The following SND1 variants were observed in gnomAD, a reference collection of about 807,000 sequenced individuals.
SND1 encodes the protein staphylococcal nuclease and tudor domain containing 1, also known as staphylococcal nuclease domain-containing protein 1.
SND1 carries 38 observed loss-of-function variants against 121.7 expected under a neutral mutation model. The ratio of observed to expected loss-of-function variants is 0.31; its 90% confidence interval spans 0.24 to 0.41. The LOEUF is 0.41. Among genes scored for constraint, SND1 ranks in the 10% least tolerant of loss-of-function variants. The pLI is 1.00. For missense variants in SND1, 868 were observed against 1,184.6 expected (o/e 0.73, Z 3.92); for synonymous variants, 401 against 447.4 (o/e 0.90, Z 1.31).
At chr7:127,905,711 A>G (rs926830382) in intron 14 of SND1, among the ~76,000 whole-genome samples, 1 of 152,132 alleles carries the variant, frequency 6.6e-6, no homozygotes, top group Non-Finnish European at 1.5e-5. Context: ...GACACATACC[A>G]TCCATTTCAA....
At chr7:127,726,469 T>C (rs1796584983) in intron 10 of SND1, among the ~76,000 whole-genome samples, 1 of 152,192 alleles carries the variant, frequency 6.6e-6, no homozygotes, top group Non-Finnish European at 1.5e-5. Flanking sequence ...TCTCTAAAGG[T>C]ATAGTTTGTT....
chr7:127,695,770 G>A (rs1488989979), intron 3 of SND1, among the ~76,000 whole-genome samples: 3 of 152,174 alleles, frequency 2.0e-5, no homozygotes, highest in Admixed American at 2.0e-4. Flanking sequence ...AGTCTGTGGT[G>A]AGCCATGATC....
rs146389520 is a variant in SND1, at chr7:127,887,748, T to A, written c.1344-154T>A. ...TTTGTTATTTAACCTTTTATTTGGA[T>A]TTCTAGCTTAGCAACTCATAGGTCT... is the stretch of plus-strand genomic sequence containing the variant. On this transcript the variant is annotated intron_variant, in intron 12 of 23. Transcript: ENST00000354725. Among the ~76,000 whole-genome samples, 285 of 152,174 alleles carry A rather than the reference T, an allele frequency of 1.9e-3. 4 individuals carry two copies. Among genetic ancestry groups the A allele is most frequent in the African/African-American group, 6.4e-3 (267 of 41,550 alleles).
intron 13 of SND1, among the ~76,000 whole-genome samples, chr7:127,893,531 C>T (rs997854240): frequency 6.6e-6 from 1 of 152,018 alleles, no homozygotes; most frequent in Non-Finnish European, 1.5e-5. Flanking sequence ...ATTTCAAGAT[C>T]GGATGTATAT....
Position 127,958,964 on chromosome 7 carries a change from T to C in SND1, c.1669+29635T>C, listed in dbSNP as rs74359871. 8.4e-3 allele frequency among the ~76,000 whole-genome samples: 1,282 copies of C among 152,216 alleles called. 16 individuals are homozygous for C. Among genetic ancestry groups the C allele is most frequent in the African/African-American group, 0.029 (1,222 of 41,526 alleles). On this transcript the variant is annotated intron_variant, in intron 15 of 23. Transcript: ENST00000354725. ...GCGGGTTCACTGATTGCTGCTCTTA[T>C]TATGGTTCTAAGGCAGTGTTAAATT...
At chr7:127,728,590 C>T (rs1245173615) in intron 10 of SND1, among the ~76,000 whole-genome samples, 3 of 152,312 alleles carry the variant, frequency 2.0e-5, no homozygotes, top group Non-Finnish European at 4.4e-5. Flanking sequence ...TCTGTAGCAT[C>T]GTGCACTGTT....
intron 11 of SND1, among the ~76,000 whole-genome samples, chr7:127,829,029 G>A (rs1457949722): frequency 1.3e-5 from 2 of 152,178 alleles, no homozygotes; most frequent in African/African-American, 4.8e-5. Flanking sequence ...CACAGGTGAT[G>A]CATCAGGGAG....
intron 1 of SND1, among the ~76,000 whole-genome samples, chr7:127,678,507 G>A (rs1795653389): frequency 1.3e-5 from 2 of 152,100 alleles, no homozygotes; most frequent in Non-Finnish European, 1.5e-5. Context: ...GGTTCATTGG[G>A]TTTGAATGTT....
intron 13 of SND1, among the ~76,000 whole-genome samples, chr7:127,889,362 T>A (rs550971194): frequency 7.9e-5 from 12 of 152,114 alleles, no homozygotes; most frequent in South Asian, 2.1e-4. Context: ...GTTTTTTTTT[T>A]AATTTTTTTA....
rs146546779 is a variant in SND1, at chr7:128,074,009, C to T, written c.1780-493C>T. ...TTTCTGCCTCTCCTGTCCTCTCCCC[C>T]TCTCCTCTCCTGCTTTTCATGCAAC... On this transcript the variant is annotated intron_variant, in intron 16 of 23. Transcript: ENST00000354725. Among the ~76,000 whole-genome samples the T allele has an allele frequency of 5.0e-3, 766 of 152,320 alleles. 7 individuals are homozygous for T. The highest frequency in any genetic ancestry group is 0.017 in the African/African-American group (727 of 41,564).
intron 2 of SND1, among the ~76,000 whole-genome samples, chr7:127,693,589 G>C (rs902973976): frequency 2.0e-5 from 3 of 152,176 alleles, no homozygotes; most frequent in African/African-American, 7.2e-5. Context: ...GGAATAATTA[G>C]CATGGACCAA....
At chr7:127,853,948 T>C (rs1481842431) in intron 12 of SND1, among the ~76,000 whole-genome samples, 2 of 152,148 alleles carry the variant, frequency 1.3e-5, no homozygotes, top group African/African-American at 4.8e-5. Flanking sequence ...ACTGTGGTTT[T>C]TTGTATTTAT....
intron 10 of SND1, among the ~76,000 whole-genome samples, chr7:127,726,897 C>G (rs1421243114): frequency 6.6e-6 from 1 of 152,128 alleles, no homozygotes; most frequent in Non-Finnish European, 1.5e-5. Context: ...TCTGTCTCTC[C>G]CATTCTCTGT....
Position 127,718,565 on chromosome 7 carries a change from A to G in SND1, c.1039-2722A>G, listed in dbSNP as rs375525788. On this transcript the variant is annotated intron_variant, in intron 9 of 23. Transcript: ENST00000354725. ...TGCTTAGCTGGCAGTGGCAGAGTGC[A>G]CAGTTCCTGAAGAGGAGGTTTCTAA... 6 of 985,304 alleles carry G rather than the reference A, an allele frequency of 6.1e-6. No individual in the cohort carries two copies. In the African/African-American group the frequency reaches 1.0e-4, roughly 17 times the overall value. The allele number at this position is 985,304 out of a possible 1,614,324, so 61.0% of individuals were successfully genotyped here. A position where few individuals can be genotyped will look rare whatever the true frequency, so the allele number is the denominator to read the frequency against.
intron 8 of SND1, 72 bp downstream of exon 8, chr7:127,705,017 T>G: frequency 1.6e-6 from 2 of 1,227,546 alleles, no homozygotes; most frequent in Non-Finnish European, 2.4e-6. Context: ...ATCTGGTGAT[T>G]TGCTCACACC....
chr7:127,933,208 C>A (rs1800989308), intron 15 of SND1, among the ~76,000 whole-genome samples: 1 of 152,176 alleles, frequency 6.6e-6, no homozygotes, highest in Admixed American at 6.5e-5. Context: ...CTGCAGAATT[C>A]TTCTAGTTTT....
chr7:128,081,888 G>A, intron 18 of SND1: 1 of 538,948 alleles, frequency 1.9e-6, no homozygotes, highest in South Asian at 1.4e-5. Context: ...GCACCAGCCA[G>A]GCATTGCTCA....
In SND1 at chr7:127,717,396, A is replaced by G. The variant is rs115358367; in HGVS notation, c.1039-3891A>G. Among the ~76,000 whole-genome samples the G allele has an allele frequency of 7.9e-3, 1,204 of 152,172 alleles. 18 individuals carry two copies. Among genetic ancestry groups the G allele is most frequent in the African/African-American group, 0.027 (1,125 of 41,512 alleles). On this transcript the variant is annotated intron_variant, in intron 9 of 23. Coordinates refer to ENST00000354725, the MANE Select transcript of SND1 (RefSeq NM_014390.4). Reference sequence around the variant, plus strand: ...TGGATGACTTTGACAATCTTGAAGTACTGGTCAGGTAGTGTGTAGGACGTC... The same window carrying G: ...TGGATGACTTTGACAATCTTGAAGTGCTGGTCAGGTAGTGTGTAGGACGTC...
intron 10 of SND1, among the ~76,000 whole-genome samples, chr7:127,760,766 A>G (rs1012370122): frequency 3.9e-5 from 6 of 152,234 alleles, no homozygotes; most frequent in Admixed American, 2.6e-4. Flanking sequence ...GCCCTTTGGT[A>G]TTAGCTTTTC....
Sources: gnomAD v4.1 joint callset for allele counts (sites outside exome capture counted in the v4.1 genomes callset) on GRCh38, gnomAD v4.1.1 for gene constraint, MANE v1.5 for transcripts, NCBI Gene and HGNC (gene_info 2026-07-23, HGNC 2026-07-21) for gene names.